Variants in MACROD2 observed in about 807,000 individuals in gnomAD.
The protein encoded by MACROD2 is mono-ADP ribosylhydrolase 2.
In MACROD2, 36 loss-of-function variants were observed where a neutral mutation model predicts 70.4. That is an observed-to-expected ratio of 0.51 (90% CI 0.39 to 0.68). MACROD2 has a LOEUF of 0.68. Among genes scored for constraint, MACROD2 ranks in the 30% least tolerant of loss-of-function variants. MACROD2 has a pLI of 0.00. For missense variants in MACROD2, 496 were observed against 538.4 expected, an observed-to-expected ratio of 0.92 and a Z score of 0.78; for synonymous variants, 172 against 178.8, an observed-to-expected ratio of 0.96 and a Z score of 0.30.
chr20:14,623,285 A>G (rs1457722553), intron 4 of MACROD2, among the ~76,000 whole-genome samples: 1 of 152,120 alleles, frequency 6.6e-6, no homozygotes, highest in Non-Finnish European at 1.5e-5. Flanking sequence ...CTATGGAAGG[A>G]AGCTCAAAGA....
chr20:14,082,354 ATTTTTT>A (rs199540255), intron 2 of MACROD2, among the ~76,000 whole-genome samples: 1 of 88,220 alleles, frequency 1.1e-5, no homozygotes, highest in African/African-American at 4.1e-5. Context: ...AATTTTTTGT[ATTTTTT>A]TTTTTTTTTT....
intron 10 of MACROD2, among the ~76,000 whole-genome samples, chr20:15,919,784 C>T (rs1315580977): frequency 2.6e-5 from 4 of 152,078 alleles, no homozygotes; most frequent in Non-Finnish European, 5.9e-5. Flanking sequence ...TCAAGACGAT[C>T]CACTGTCAGC....
chr20:14,450,627 A>G (rs1324012316), intron 3 of MACROD2, among the ~76,000 whole-genome samples: 1 of 152,110 alleles, frequency 6.6e-6, no homozygotes, highest in East Asian at 1.9e-4. Flanking sequence ...AAATGTTATG[A>G]CCCTAAGGAG....
chr20:15,729,483 G>T (rs1336995909), intron 8 of MACROD2, among the ~76,000 whole-genome samples: 1 of 152,090 alleles, frequency 6.6e-6, no homozygotes, highest in Non-Finnish European at 1.5e-5. Context: ...TGTCAGTGGG[G>T]TGTGGAAGTC....
intron 4 of MACROD2, among the ~76,000 whole-genome samples, chr20:14,509,592 T>A (rs1456406847): frequency 6.6e-6 from 1 of 151,976 alleles, no homozygotes; most frequent in Non-Finnish European, 1.5e-5. Context: ...TACCAGCTGT[T>A]TGATATTTGG....
At chr20:15,458,091 A>G (rs2046754171) in intron 7 of MACROD2, among the ~76,000 whole-genome samples, 1 of 152,018 alleles carries the variant, frequency 6.6e-6, no homozygotes, top group Non-Finnish European at 1.5e-5. Flanking sequence ...TTTTCCAATT[A>G]TTTCCCCCAG....
intron 5 of MACROD2, among the ~76,000 whole-genome samples, chr20:14,724,657 C>T (rs1272002236): frequency 6.6e-6 from 1 of 152,144 alleles, no homozygotes; most frequent in Admixed American, 6.5e-5. Context: ...CATATGGTAA[C>T]AATTCTGTGC....
At chr20:14,492,958 A>C (rs1026222069) in intron 3 of MACROD2, among the ~76,000 whole-genome samples, 43 of 152,080 alleles carry the variant, frequency 2.8e-4, no homozygotes, top group African/African-American at 1.0e-3. Flanking sequence ...TTTAACGTTT[A>C]TTTCTTTCCT....
At chr20:15,643,680 G>A (rs545906662) in intron 8 of MACROD2, among the ~76,000 whole-genome samples, 215 of 152,244 alleles carry the variant, frequency 1.4e-3, no homozygotes, top group South Asian at 5.8e-3. Context: ...AAACCAAATC[G>A]TGTGCTAACC....
At chr20:15,521,248 G>T (rs1356026409) in intron 8 of MACROD2, among the ~76,000 whole-genome samples, 2 of 152,062 alleles carry the variant, frequency 1.3e-5, no homozygotes, top group Non-Finnish European at 2.9e-5. Flanking sequence ...TTTTCGGTTT[G>T]CCTTCTCGTT....
intron 6 of MACROD2, among the ~76,000 whole-genome samples, chr20:15,282,042 C>T (rs988333859): frequency 1.3e-5 from 2 of 152,238 alleles, no homozygotes; most frequent in Non-Finnish European, 2.9e-5. Flanking sequence ...GGGCTTGCAC[C>T]CTCTGAAACA....
intron 5 of MACROD2, among the ~76,000 whole-genome samples, chr20:14,729,085 T>A (rs1217121447): frequency 6.6e-6 from 1 of 152,162 alleles, no homozygotes; most frequent in African/African-American, 2.4e-5. Context: ...TTGTTTAGTA[T>A]CACATAATTG....
chr20:14,447,900 G>A (rs1600246304), intron 3 of MACROD2, among the ~76,000 whole-genome samples: 1 of 151,460 alleles, frequency 6.6e-6, no homozygotes, highest in Non-Finnish European at 1.5e-5. Context: ...CTGCTGGAGG[G>A]TTAGAATGAA....
chr20:13,998,949 C>A (rs1389103748), intron 1 of MACROD2, among the ~76,000 whole-genome samples: 2 of 132,836 alleles, frequency 1.5e-5, no homozygotes, highest in African/African-American at 5.5e-5. Flanking sequence ...AGCAAGACTC[C>A]GTCTCAAAAA....
At chr20:15,896,750 G>A (rs556125139) in intron 10 of MACROD2, among the ~76,000 whole-genome samples, 1 of 152,180 alleles carries the variant, frequency 6.6e-6, no homozygotes, top group African/African-American at 2.4e-5. Context: ...TTTTTATGCT[G>A]TGTACTTTTG....
intron 5 of MACROD2, among the ~76,000 whole-genome samples, chr20:14,910,067 T>C (rs1214888510): frequency 2.6e-5 from 4 of 152,198 alleles, no homozygotes; most frequent in African/African-American, 9.6e-5. Flanking sequence ...TTTTCTGTAC[T>C]TGAGATATTA....
At chr20:14,147,777 A>C (rs957988748) in intron 3 of MACROD2, among the ~76,000 whole-genome samples, 2 of 152,136 alleles carry the variant, frequency 1.3e-5, no homozygotes, top group Non-Finnish European at 2.9e-5. Flanking sequence ...GGATCTTCAG[A>C]TCATTTGAAA....
chr20:14,095,074 G>A (rs1382271433), intron 3 of MACROD2, among the ~76,000 whole-genome samples: 1 of 152,098 alleles, frequency 6.6e-6, no homozygotes, highest in Non-Finnish European at 1.5e-5. Flanking sequence ...TACTGGAAGC[G>A]TGGATTCCCC....
chr20:14,937,872 T>C (rs1048427218), intron 5 of MACROD2, among the ~76,000 whole-genome samples: 1 of 152,074 alleles, frequency 6.6e-6, no homozygotes, highest in Admixed American at 6.6e-5. Flanking sequence ...TAACCACCAA[T>C]CTACTCTATC....
Sources: allele counts gnomAD v4.1 joint callset (sites outside exome capture counted in the v4.1 genomes callset), GRCh38; gene constraint gnomAD v4.1.1; transcripts MANE v1.5; gene names NCBI Gene and HGNC (gene_info 2026-07-23, HGNC 2026-07-21).